Variants in MEDAG observed in about 807,000 individuals in gnomAD.
MEDAG encodes the protein mesenteric estrogen dependent adipogenesis, also known as mesenteric estrogen-dependent adipogenesis protein.
MEDAG carries 25 observed loss-of-function variants against 29.9 expected under a neutral mutation model. The ratio of observed to expected loss-of-function variants is 0.84; its 90% CI spans 0.61 to 1.17. The LOEUF is 1.17. Among genes scored for constraint, MEDAG ranks in the 50% most tolerant of loss-of-function variants. The pLI, the probability that MEDAG is intolerant of heterozygous loss-of-function variation, is 0.00. For synonymous variants in MEDAG, 158 were observed against 148.2 expected, an observed-to-expected ratio of 1.07 and a Z score of -0.48; for missense variants, 398 against 372.9, an observed-to-expected ratio of 1.07 and a Z score of -0.56.
intron 1 of MEDAG, among the ~76,000 whole-genome samples, chr13:30,914,631 T>A (rs1483557504): frequency 6.6e-6 from 1 of 152,226 alleles, no homozygotes; most frequent in Admixed American, 6.5e-5. Flanking sequence ...GGCTTCCTTC[T>A]GTGACCATGC....
In MEDAG at chr13:30,924,559, G is replaced by A; in HGVS notation, c.*124G>A. Reference sequence around the variant, plus strand: ...GCGTGTCAATCTCCGGCTCCTCCATGGCTTCTATGGAGGACTCCTCTCTTC... The same window carrying A: ...GCGTGTCAATCTCCGGCTCCTCCATAGCTTCTATGGAGGACTCCTCTCTTC... On this transcript the variant is annotated 3_prime_UTR_variant, in exon 5 of 5. Coordinates refer to ENST00000380482, the MANE Select transcript of MEDAG (RefSeq NM_032849.4). 1.0e-6 allele frequency: 1 copy of A among 998,872 alleles called. No individual in the cohort carries two copies. The highest frequency in any genetic ancestry group is 1.5e-6 in the Non-Finnish European group (1 of 687,418). 61.9% of individuals were successfully genotyped at this position (998,872 alleles called of 1,614,324 possible).
At chr13:30,911,895 G>C (rs1327395882) in intron 1 of MEDAG, among the ~76,000 whole-genome samples, 2 of 152,184 alleles carry the variant, frequency 1.3e-5, no homozygotes, top group African/African-American at 4.8e-5. Flanking sequence ...GGTGATTCCA[G>C]TGCTGTTAGT....
At chr13:30,915,342 A>G (rs1342516075) in intron 1 of MEDAG, among the ~76,000 whole-genome samples, 2 of 152,216 alleles carry the variant, frequency 1.3e-5, no homozygotes, top group East Asian at 1.9e-4. Flanking sequence ...CGCTGAATAG[A>G]TGGATGGCAA....
intron 1 of MEDAG, 33 bp from the exon 2 acceptor site, chr13:30,917,370 G>C (rs61947582): frequency 1.6e-6 from 2 of 1,244,738 alleles, no homozygotes; most frequent in Non-Finnish European, 2.4e-6. Flanking sequence ...GAAAGGGTAC[G>C]TTACATTTGC....
intron 1 of MEDAG, among the ~76,000 whole-genome samples, chr13:30,912,719 G>A (rs1378737182): frequency 6.6e-6 from 1 of 152,152 alleles, no homozygotes; most frequent in Non-Finnish European, 1.5e-5. Flanking sequence ...CTTTTCAGAT[G>A]TTGCTGTCAT....
At chr13:30,907,298 A>C (rs1164765368) in intron 1 of MEDAG, among the ~76,000 whole-genome samples, 1 of 152,228 alleles carries the variant, frequency 6.6e-6, no homozygotes, top group East Asian at 1.9e-4. Context: ...AAAAGCTCAA[A>C]GTTTCCCATC....
intron 1 of MEDAG, 78 bp downstream of exon 1, chr13:30,906,871 C>G: frequency 2.2e-6 from 3 of 1,350,862 alleles, no homozygotes; most frequent in Non-Finnish European, 2.9e-6. Context: ...TCTCTGGGAG[C>G]CTGGGCTGTC....
At chr13:30,910,777 A>C (rs1056026423) in intron 1 of MEDAG, among the ~76,000 whole-genome samples, 3 of 152,196 alleles carry the variant, frequency 2.0e-5, no homozygotes, top group Non-Finnish European at 4.4e-5. Context: ...CGGCACTCAT[A>C]GGGGTAAAAT....
chr13:30,909,431 C>A (rs547498254), intron 1 of MEDAG, among the ~76,000 whole-genome samples: 1 of 152,196 alleles, frequency 6.6e-6, no homozygotes, highest in South Asian at 2.1e-4. Flanking sequence ...GTCTTCTTTG[C>A]GGCCACCATA....
intron 1 of MEDAG, chr13:30,908,639 AT>A (rs1390615351): frequency 6.6e-6 from 1 of 151,790 alleles, no homozygotes; most frequent in Admixed American, 6.6e-5. Context: ...GAGCTGCCAA[AT>A]TTGCCAGTTG....
chr13:30,921,808 G>A lies in MEDAG; in HGVS notation c.749G>A (p.Ser250Asn). 6.2e-7 allele frequency: 1 copy of A among 1,610,780 alleles called. No homozygotes were observed. The highest frequency in any genetic ancestry group is 1.3e-5 in the African/African-American group (1 of 74,722). Residue 250 changes from serine (S) to asparagine (N), a missense_variant, in exon 4 of 5, where the codon AGC (serine) becomes AAC (asparagine). Transcript: ENST00000380482. ...ATGAGTGAGCCTTTAATCCGAAGGAGCAGTTTCTCTGACCGAAAGTTCAGT... is the reference window on the plus strand; with the variant it reads ...ATGAGTGAGCCTTTAATCCGAAGGAACAGTTTCTCTGACCGAAAGTTCAGT... Reference protein sequence around the residue: ...EKMSEPLIRRSSFSDRKFSVT... With the variant: ...EKMSEPLIRRNSFSDRKFSVT...
In MEDAG at chr13:30,906,447, C is replaced by T; in HGVS notation, c.-69C>T. The stretch of plus-strand genomic sequence containing the variant: ...AGGGCGCCCGGCCCCTCCTGGGGAC[C>T]ATCAGGTGCCGGCTGGGGGCTGTAG... On this transcript the variant is annotated 5_prime_UTR_variant, in exon 1 of 5. Transcript: ENST00000380482. 2.2e-6 allele frequency: 3 copies of T among 1,384,906 alleles called. No individual in the cohort carries two copies. Among genetic ancestry groups the T allele is most frequent in the Admixed American group, 3.0e-5 (1 of 33,872 alleles). The allele number at this position is 1,384,906 out of a possible 1,614,324, so 85.8% of individuals were successfully genotyped here. A position where few individuals can be genotyped will look rare whatever the true frequency, so the allele number is the denominator to read the frequency against.
At chr13:30,910,193 A>AACACACACACAC (rs77242350) in intron 1 of MEDAG, among the ~76,000 whole-genome samples, 2,111 of 149,220 alleles carry the variant, frequency 0.014, 39 homozygotes, top group African/African-American at 0.039. Flanking sequence ...CACACACACA[A>AACACACACACAC]ACACACACAC....
chr13:30,906,560 C>T lies in MEDAG; in HGVS notation c.45C>T (p.Thr15=), dbSNP rs1952831254. The T allele has an allele frequency of 6.4e-7, 1 of 1,572,150 alleles. No individual in the cohort carries two copies. The highest frequency in any genetic ancestry group is 8.6e-7 in the Non-Finnish European group (1 of 1,168,322). The change falls in exon 1 of 5, where the codon ACC becomes ACT. Residue 15 remains threonine, a synonymous_variant. Transcript: ENST00000380482. ...ACEPVARPSL[T]SISSGELRSL... ...AGCCGGTGGCCAGGCCGAGCCTGAC[C>T]TCCATCTCGTCTGGGGAGCTTCGCA...
At chr13:30,923,906 G>T (rs1416258420) in intron 4 of MEDAG, among the ~76,000 whole-genome samples, 1 of 152,182 alleles carries the variant, frequency 6.6e-6, no homozygotes, top group Non-Finnish European at 1.5e-5. Context: ...CTGCAGGACA[G>T]CACAGCCAAG....
chr13:30,907,107 C>G (rs1952838652), intron 1 of MEDAG, among the ~76,000 whole-genome samples: 1 of 152,224 alleles, frequency 6.6e-6, no homozygotes, highest in Non-Finnish European at 1.5e-5. Context: ...TTCTCCCATT[C>G]TGGCTCCTTA....
chr13:30,917,572 A>G (rs764020070), intron 2 of MEDAG, 60 bp downstream of exon 2: 3 of 941,432 alleles, frequency 3.2e-6, no homozygotes, highest in Non-Finnish European at 5.1e-6. Flanking sequence ...AAACTGGGTA[A>G]TTTATAAAGA....
intron 1 of MEDAG, among the ~76,000 whole-genome samples, chr13:30,911,568 G>A (rs1256766348): frequency 1.3e-5 from 2 of 152,194 alleles, no homozygotes; most frequent in Middle Eastern, 3.4e-3. Context: ...GGCTTGACAG[G>A]ACAATATCTC....
intron 1 of MEDAG, among the ~76,000 whole-genome samples, chr13:30,908,524 G>C (rs1952850827): frequency 6.6e-6 from 1 of 152,176 alleles, no homozygotes. Context: ...CAGGCAGAGG[G>C]GGAGGACTGG....
Sources: allele counts gnomAD v4.1 joint callset (sites outside exome capture counted in the v4.1 genomes callset), GRCh38; gene constraint gnomAD v4.1.1; transcripts MANE v1.5; gene names NCBI Gene and HGNC (gene_info 2026-07-23, HGNC 2026-07-21).